Variants in MIOS observed in about 807,000 individuals in gnomAD.
The protein encoded by MIOS is GATOR2 complex protein MIOS.
A neutral mutation model predicts 96.9 loss-of-function variants in MIOS; 52 were observed. The ratio of observed to expected loss-of-function variants is 0.54; its 90% CI spans 0.43 to 0.68. The LOEUF is 0.68. MIOS is among the 30% of genes least tolerant of loss of function. MIOS has a pLI of 0.00. For missense variants in MIOS, 1,005 were observed against 1,052.8 expected, an observed-to-expected ratio of 0.95 and a Z score of 0.63; for synonymous variants, 397 against 359.5, an observed-to-expected ratio of 1.10 and a Z score of -1.18.
intron 5 of MIOS, among the ~76,000 whole-genome samples, chr7:7,575,213 G>T (rs752587136): frequency 1.3e-5 from 2 of 152,000 alleles, no homozygotes; most frequent in African/African-American, 2.4e-5. Flanking sequence ...AATCCAATTT[G>T]ATTTTTTACG....
Position 7,595,150 on chromosome 7 carries a change from G to GAGAAAATCAAATTGTAAC in MIOS, c.2196+20_2196+37dup. 2 of 1,594,996 alleles carry GAGAAAATCAAATTGTAAC rather than the reference G, an allele frequency of 1.3e-6. No homozygotes were observed. Among genetic ancestry groups the GAGAAAATCAAATTGTAAC allele is most frequent in the African/African-American group, 2.7e-5 (2 of 73,722 alleles). The stretch of plus-strand genomic sequence containing the variant: ...TAGCACAAGTAAGTACATTGTTTTG[G>GAGAAAATCAAATTGTAAC]AGAAAATCAAATTGTAACATGTTGA... On this transcript the variant is annotated intron_variant, in intron 10 of 12. Coordinates refer to ENST00000340080, the MANE Select transcript of MIOS (RefSeq NM_019005.4).
intron 11 of MIOS, among the ~76,000 whole-genome samples, chr7:7,603,978 C>G (rs28602992): frequency 3.3e-5 from 5 of 151,504 alleles, no homozygotes; most frequent in Non-Finnish European, 4.4e-5. Flanking sequence ...ATCCAAACAC[C>G]GCATGTTCTC....
In MIOS at chr7:7,588,524, C is replaced by G; in HGVS notation, c.1845C>G (p.Asp615Glu). 5 of 1,593,518 alleles carry G rather than the reference C, an allele frequency of 3.1e-6. No individual in the cohort carries two copies. Among genetic ancestry groups the G allele is most frequent in the Non-Finnish European group, 4.3e-6 (5 of 1,168,792 alleles). Residue 615 changes from aspartate to glutamate, a missense_variant, in exon 8 of 13, where the codon GAC becomes GAG. By Grantham distance (45) the Asp-to-Glu change is conservative. Transcript: ENST00000340080. ...VLYENKVAVRDRVAFACKFLS... is the reference protein window; with the variant it reads ...VLYENKVAVRERVAFACKFLS... ...ATGAAAACAAAGTTGCAGTACGTGA[C>G]AGAGTGGCATTTGCTTGTAAATTCC...
intron 11 of MIOS, among the ~76,000 whole-genome samples, chr7:7,604,183 G>T (rs1357441541): frequency 6.6e-6 from 1 of 152,006 alleles, no homozygotes; most frequent in African/African-American, 2.4e-5. Flanking sequence ...CCTGCACGTT[G>T]TGCACATGTA....
chr7:7,588,873 G>A (rs1783966823), intron 8 of MIOS, among the ~76,000 whole-genome samples: 1 of 152,064 alleles, frequency 6.6e-6, no homozygotes, highest in South Asian at 2.1e-4. Flanking sequence ...ATTAAACAAT[G>A]CTAAATGCCT....
Position 7,596,208 on chromosome 7 carries a change from T to TCC in MIOS, c.2197-48_2197-47dup, listed in dbSNP as rs201145065. ...AGGCGCACACTAAGTTATTTAGCAT[T>TCC]CCATTATGGTTTGCATTACATTTAT... On this transcript the variant is annotated intron_variant, in intron 10 of 12. Coordinates refer to ENST00000340080, the MANE Select transcript of MIOS (RefSeq NM_019005.4). 7.7e-3 allele frequency: 11,518 copies of TCC among 1,498,368 alleles called. 83 individuals are homozygous for TCC. Among genetic ancestry groups the TCC allele is most frequent in the Middle Eastern group, 0.034 (194 of 5,768 alleles). 92.8% of individuals were successfully genotyped at this position (1,498,368 alleles called of 1,614,324 possible).
chr7:7,584,531 ACTT>A (rs2115413117), intron 6 of MIOS, among the ~76,000 whole-genome samples: 1 of 152,306 alleles, frequency 6.6e-6, no homozygotes, highest in South Asian at 2.1e-4. Context: ...ATCCAAAGAT[ACTT>A]CTTTGCTATT....
chr7:7,603,951 C>T (rs1195387764), intron 11 of MIOS, among the ~76,000 whole-genome samples: 2 of 151,812 alleles, frequency 1.3e-5, no homozygotes, highest in African/African-American at 4.8e-5. Flanking sequence ...TCTCAGCAAA[C>T]TATCGCAAGG....
chr7:7,602,773 G>T (rs1473275611), intron 11 of MIOS, among the ~76,000 whole-genome samples: 1 of 151,998 alleles, frequency 6.6e-6, no homozygotes, highest in Non-Finnish European at 1.5e-5. Flanking sequence ...TCAATCCCAA[G>T]CCAAAAGAAC....
chr7:7,577,662 G>C (rs985754675), intron 5 of MIOS, among the ~76,000 whole-genome samples: 2 of 152,156 alleles, frequency 1.3e-5, no homozygotes, highest in Admixed American at 1.3e-4. Flanking sequence ...TTAGATACAA[G>C]GGTGCACACC....
intron 11 of MIOS, chr7:7,605,294 T>C (rs1784494509): frequency 8.4e-6 from 1 of 119,724 alleles, no homozygotes; most frequent in African/African-American, 2.8e-5. Flanking sequence ...TGTCCCTTGA[T>C]AGATTTTTTT....
At chr7:7,591,935 A>G (rs1401565677) in intron 9 of MIOS, among the ~76,000 whole-genome samples, 1 of 149,120 alleles carries the variant, frequency 6.7e-6, no homozygotes, top group African/African-American at 2.5e-5. Flanking sequence ...CTGAGGCTCT[A>G]TTCTTCTTCC....
intron 11 of MIOS, among the ~76,000 whole-genome samples, chr7:7,597,629 C>T (rs146622119): frequency 6.6e-6 from 1 of 150,732 alleles, no homozygotes; most frequent in Admixed American, 6.6e-5. Context: ...TACTCTGGTC[C>T]TAATAAACAG....
At chr7:7,600,574 T>G (rs1165531403) in intron 11 of MIOS, among the ~76,000 whole-genome samples, 1 of 152,166 alleles carries the variant, frequency 6.6e-6, no homozygotes, top group African/African-American at 2.4e-5. Context: ...AAGCAAGTCC[T>G]TAGTGACCTA....
At chr7:7,603,973 A>G (rs1784452451) in intron 11 of MIOS, among the ~76,000 whole-genome samples, 1 of 151,938 alleles carries the variant, frequency 6.6e-6, no homozygotes, top group African/African-American at 2.4e-5. Context: ...CAAAAATCCA[A>G]ACACCGCATG....
intron 9 of MIOS, among the ~76,000 whole-genome samples, chr7:7,590,184 C>T (rs1784008082): frequency 6.6e-6 from 1 of 152,174 alleles, no homozygotes; most frequent in Non-Finnish European, 1.5e-5. Flanking sequence ...TTCCTGCCCT[C>T]ATCCTCATAT....
At chr7:7,606,873 C>G (rs1262358814) in intron 12 of MIOS, 123 bp from the exon 13 acceptor site, 3 of 731,696 alleles carry the variant, frequency 4.1e-6, no homozygotes, top group African/African-American at 3.6e-5. Context: ...ATCACTTGAG[C>G]CCAAAAGTGT....
chr7:7,598,089 C>G (rs1035544377), intron 11 of MIOS, among the ~76,000 whole-genome samples: 3 of 152,170 alleles, frequency 2.0e-5, no homozygotes, highest in African/African-American at 7.2e-5. Context: ...ATTATTCCAG[C>G]TCTTTACCTA....
intron 5 of MIOS, among the ~76,000 whole-genome samples, chr7:7,579,817 T>C (rs1314564800): frequency 2.0e-5 from 3 of 152,324 alleles, no homozygotes; most frequent in East Asian, 3.9e-4. Flanking sequence ...TAGTGGGCTA[T>C]GCCATCTAGG....
Sources: allele counts gnomAD v4.1 joint callset (sites outside exome capture counted in the v4.1 genomes callset), GRCh38; gene constraint gnomAD v4.1.1; transcripts MANE v1.5; gene names NCBI Gene and HGNC (gene_info 2026-07-23, HGNC 2026-07-21).